Variants in ERAP2 observed in about 807,000 individuals in gnomAD.
ERAP2 encodes leukocyte-derived arginine aminopeptidase.
In ERAP2, 118 loss-of-function variants were observed where a neutral mutation model predicts 111.1. The ratio of observed to expected loss-of-function variants is 1.06; its 90% CI spans 0.92 to 1.24. The LOEUF is 1.24. Among genes scored for constraint, ERAP2 ranks in the 50% most tolerant of loss-of-function variants. The pLI is 0.00. For synonymous variants in ERAP2, 410 were observed against 401.2 expected (o/e 1.02, Z -0.26); for missense variants, 1,131 against 1,125.8 (o/e 1.00, Z -0.07).
chr5:96,900,023 A>G, intron 9 of ERAP2, 98 bp from the exon 10 acceptor site: 1 of 1,367,594 alleles, frequency 7.3e-7, no homozygotes, highest in Non-Finnish European at 1.0e-6. Context: ...ATTATTTCAT[A>G]TAGCTCTTTT....
chr5:96,907,709 C>A (rs1428629088), intron 13 of ERAP2, among the ~76,000 whole-genome samples: 1 of 151,998 alleles, frequency 6.6e-6, no homozygotes, highest in Non-Finnish European at 1.5e-5. Context: ...TGGTGAAATC[C>A]CGTCTCTACT....
At position 96,896,485 on chromosome 5, in the gene ERAP2, AT is replaced by A. The variant is rs1784869126; in HGVS notation, c.1353del (p.Asp451GlufsTer12). The A allele has an allele frequency of 6.2e-7, 1 of 1,613,310 alleles. No homozygotes were observed. Among genetic ancestry groups the A allele is most frequent in the African/African-American group, 1.3e-5 (1 of 74,880 alleles). On this transcript the variant is annotated frameshift_variant, in exon 8 of 19. Transcript: ENST00000437043. LOFTEE classifies it high-confidence loss of function. Reference protein sequence around the residue: ...ETPTQIQEMFDEVSYNKGACI... With the variant: ...ETPTQIQEMFXEVSYNKGACI... Reference sequence around the variant, plus strand: ...CCGACTCAAATACAGGAAATGTTTGATGAAGTTTCCTATAACAAGGTAGTAA... The same window carrying A: ...CCGACTCAAATACAGGAAATGTTTGAGAAGTTTCCTATAACAAGGTAGTAA...
In ERAP2 at chr5:96,879,930, TC is replaced by T. The variant is rs765826326; in HGVS notation, c.247del (p.His83ThrfsTer49). The T allele has an allele frequency of 6.2e-7, 1 of 1,614,174 alleles. No homozygotes were observed. Among genetic ancestry groups the T allele is most frequent in the Admixed American group, 1.7e-5 (1 of 60,010 alleles). Reference sequence around the variant, plus strand: ...ATTCCTCTCCATTATGACCTCTTTGTCCACCCCAATCTCACCTCTCTGGACT... The same window carrying T: ...ATTCCTCTCCATTATGACCTCTTTGTCACCCCAATCTCACCTCTCTGGACT... ...VVIPLHYDLFVHPNLTSLDFV... is the reference protein window; with the variant it reads ...VVIPLHYDLFXHPNLTSLDFV... On this transcript the variant is annotated frameshift_variant, in exon 2 of 19. Transcript: ENST00000437043. LOFTEE classifies it high-confidence loss of function.
At chr5:96,893,172 G>A (rs577291014) in intron 6 of ERAP2, among the ~76,000 whole-genome samples, 1 of 152,194 alleles carries the variant, frequency 6.6e-6, no homozygotes, top group South Asian at 2.1e-4. Flanking sequence ...TACAAATGTG[G>A]AATTGTAAAA....
At chr5:96,884,395 C>A (rs975662290) in intron 3 of ERAP2, among the ~76,000 whole-genome samples, 1 of 152,162 alleles carries the variant, frequency 6.6e-6, no homozygotes, top group Non-Finnish European at 1.5e-5. Context: ...GTCCAGAGAC[C>A]CCTTTTGCAG....
rs1786930363 is a variant in ERAP2, at chr5:96,912,670, T to C, written c.2388T>C (p.Ser796=). ...CAGATGTTTTAAAGATTGTGTATTCTGTGGGTGCTCAGACAACAGCAGGAT... is the reference window on the plus strand; with the variant it reads ...CAGATGTTTTAAAGATTGTGTATTCCGTGGGTGCTCAGACAACAGCAGGAT... The part of the protein sequence containing the change: ...IPTDVLKIVY[S]VGAQTTAGWN... Residue 796 remains serine, a synonymous_variant, in exon 16 of 19, where the codon TCT becomes TCC. Transcript: ENST00000437043. 6.2e-7 allele frequency: 1 copy of C among 1,611,164 alleles called. No individual in the cohort carries two copies. Among genetic ancestry groups the C allele is most frequent in the Admixed American group, 1.7e-5 (1 of 59,266 alleles).
chr5:96,900,214 T>C, intron 10 of ERAP2, 25 bp downstream of exon 10: 1 of 1,612,810 alleles, frequency 6.2e-7, no homozygotes, highest in Non-Finnish European at 8.5e-7. Flanking sequence ...AGTCACAGAG[T>C]AGAAGAGATC....
chr5:96,880,127 A>T lies in ERAP2; in HGVS notation c.442A>T (p.Ile148Phe), dbSNP rs1284858944. The T allele has an allele frequency of 6.2e-7, 1 of 1,614,150 alleles. No homozygotes were observed. Among genetic ancestry groups the T allele is most frequent in the South Asian group, 1.1e-5 (1 of 91,086 alleles). Reference sequence around the variant, plus strand: ...TTTGAGTTACCCTGCTCATGAACAAATTGCACTGCTGGTTCCAGAGAAACT... The same window carrying T: ...TTTGAGTTACCCTGCTCATGAACAATTTGCACTGCTGGTTCCAGAGAAACT... ...KVLSYPAHEQ[I>F]ALLVPEKLTP... Residue 148 changes from isoleucine to phenylalanine, a missense_variant, in exon 2 of 19, where the codon ATT becomes TTT. By Grantham distance (21) the Ile-to-Phe change is conservative. Transcript: ENST00000437043.
intron 6 of ERAP2, 57 bp downstream of exon 6, chr5:96,892,510 C>T (rs1280746686): frequency 6.3e-7 from 1 of 1,584,786 alleles, no homozygotes; most frequent in East Asian, 2.2e-5. Flanking sequence ...TTATATAGAA[C>T]ACGACCAATC....
chr5:96,909,837 T>C, intron 15 of ERAP2, 73 bp downstream of exon 15: 2 of 1,479,880 alleles, frequency 1.4e-6, no homozygotes, highest in South Asian at 1.2e-5. Context: ...AGCAAGACAT[T>C]AGGTCTAAAA....
intron 10 of ERAP2, among the ~76,000 whole-genome samples, chr5:96,900,802 A>G (rs948259494): frequency 7.2e-5 from 11 of 151,988 alleles, no homozygotes; most frequent in African/African-American, 2.4e-4. Flanking sequence ...TCAGCCTCCC[A>G]AGTAGCTGGG....
chr5:96,881,718 T>C (rs745443596), intron 2 of ERAP2, among the ~76,000 whole-genome samples: 3 of 152,076 alleles, frequency 2.0e-5, no homozygotes, highest in Non-Finnish European at 4.4e-5. Context: ...ACTTGCAAGA[T>C]GATTGCTGCA....
chr5:96,915,779 T>C lies in ERAP2; in HGVS notation c.2739+10T>C. On this transcript the variant is annotated intron_variant, in intron 18 of 18. Coordinates refer to ENST00000437043, the MANE Select transcript of ERAP2 (RefSeq NM_022350.5). ...GGATAAGTTGCAAGAGGTTTGTGAC[T>C]TTCTGTTTTTAACAATTTCAAAATA... 6.3e-7 allele frequency: 1 copy of C among 1,582,350 alleles called. No homozygotes were observed. The highest frequency in any genetic ancestry group is 8.6e-7 in the Non-Finnish European group (1 of 1,162,946).
At chr5:96,891,371 G>GTATA (rs56369509) in intron 5 of ERAP2, among the ~76,000 whole-genome samples, 47 of 89,228 alleles carry the variant, frequency 5.3e-4, no homozygotes, top group African/African-American at 1.5e-3. Context: ...ATATATATGT[G>GTATA]TATATATATA....
At chr5:96,884,470 T>G (rs116576830) in intron 3 of ERAP2, among the ~76,000 whole-genome samples, 233 of 151,986 alleles carry the variant, frequency 1.5e-3, no homozygotes, top group African/African-American at 5.4e-3. Context: ...AAGTCTATGA[T>G]GGAACTTAGA....
At chr5:96,894,768 C>T (rs531403123) in intron 6 of ERAP2, among the ~76,000 whole-genome samples, 1 of 151,882 alleles carries the variant, frequency 6.6e-6, no homozygotes, top group Admixed American at 6.6e-5. Context: ...AACCTGAGAG[C>T]CCTAAATGAA....
rs763467396 is a variant in ERAP2 at position 96,879,840 on chromosome 5, CT to C, written c.158del (p.Phe53SerfsTer3). ...TATCACTTCACTGAGGATCCTGGGG[CT>C]TTCCCAGTAGCCACTAATGGGGAAC... The part of the protein sequence containing the change: ...SSYHFTEDPG[A>X]FPVATNGERF... On this transcript the variant is annotated frameshift_variant, in exon 2 of 19. Transcript: ENST00000437043. LOFTEE classifies it high-confidence loss of function. The C allele has an allele frequency of 2.5e-6, 4 of 1,614,084 alleles. No homozygotes were observed. In the Admixed American group the frequency reaches 6.7e-5, roughly 27 times the overall value.
chr5:96,890,664 T>C (rs549333056), intron 5 of ERAP2, among the ~76,000 whole-genome samples: 2 of 152,330 alleles, frequency 1.3e-5, no homozygotes, highest in Non-Finnish European at 2.9e-5. Flanking sequence ...CCAATGCATT[T>C]TCCTTACATA....
In ERAP2 at chr5:96,917,524, T is replaced by C; in HGVS notation, c.2802T>C (p.Val934=). Residue 934 remains valine, a synonymous_variant, in exon 19 of 19, where the codon GTT becomes GTC. Transcript: ENST00000437043. ...CACATCTGGATATTTTTCAAACTGT[T>C]CTGGAAACGATAACCAAAAATATAA... ...QGSHLDIFQT[V]LETITKNIKW... is the part of the protein sequence containing the mutation. 2.5e-6 allele frequency: 4 copies of C among 1,613,998 alleles called. No homozygotes were observed. The highest frequency in any genetic ancestry group is 2.5e-6 in the Non-Finnish European group (3 of 1,179,928).
Sources: allele counts gnomAD v4.1 joint callset (sites outside exome capture counted in the v4.1 genomes callset), GRCh38; gene constraint gnomAD v4.1.1; transcripts MANE v1.5; gene names NCBI Gene and HGNC (gene_info 2026-07-23, HGNC 2026-07-21).